The following ACVR2A variants were observed in gnomAD, a reference collection of about 807,000 sequenced individuals.
ACVR2A encodes the protein activin receptor type-2A.
Under a neutral mutation model 61.4 loss-of-function variants are expected in ACVR2A, and 7 were observed. The observed-to-expected ratio is 0.11, with a 90% CI of 0.06 to 0.21. The LOEUF (loss-of-function observed/expected upper bound fraction) is 0.21. Among genes scored for constraint, ACVR2A ranks in the 10% least tolerant of loss-of-function variants. The probability of loss-of-function intolerance (pLI) is 1.00; values close to 1 mark genes in which losing one functional copy is unlikely to be tolerated. For missense variants in ACVR2A, 322 were observed against 621.7 expected, an observed-to-expected ratio of 0.52 and a Z score of 5.13; for synonymous variants, 193 against 208.3, an observed-to-expected ratio of 0.93 and a Z score of 0.63.
chr2:147,892,846 A>C (rs1352464769), intron 1 of ACVR2A, among the ~76,000 whole-genome samples: 3 of 151,810 alleles, frequency 2.0e-5, no homozygotes. Flanking sequence ...TTTTTCTTTG[A>C]TATCATACCA....
chr2:147,877,042 C>T (rs1346883561), intron 1 of ACVR2A, among the ~76,000 whole-genome samples: 1 of 150,042 alleles, frequency 6.7e-6, no homozygotes, highest in Non-Finnish European at 1.5e-5. Flanking sequence ...TTCTACACGT[C>T]TTGATCGCAG....
At chr2:147,915,398 A>C in intron 5 of ACVR2A, 64 bp downstream of exon 5, 1 of 1,588,372 alleles carries the variant, frequency 6.3e-7, no homozygotes, top group Non-Finnish European at 8.6e-7. Flanking sequence ...CATAACTCAG[A>C]AATAGTCTCA....
chr2:147,908,052 AAAG>A (rs1687029134), intron 4 of ACVR2A, among the ~76,000 whole-genome samples: 3 of 143,224 alleles, frequency 2.1e-5, no homozygotes, highest in Non-Finnish European at 4.7e-5. Context: ...AAAAAAAAAA[AAAG>A]AAAAAAAAGA....
At chr2:147,852,094 T>C (rs1685463756) in intron 1 of ACVR2A, among the ~76,000 whole-genome samples, 1 of 152,102 alleles carries the variant, frequency 6.6e-6, no homozygotes, top group Non-Finnish European at 1.5e-5. Context: ...TTTTTTTAAA[T>C]AATTAAAATT....
chr2:147,927,012 A>C, intron 10 of ACVR2A, 68 bp from the exon 11 acceptor site: 1 of 1,475,694 alleles, frequency 6.8e-7, no homozygotes. Context: ...CTTCATGAAA[A>C]TTTTATTGTT....
At chr2:147,925,422 G>A (rs1458373172) in intron 9 of ACVR2A, among the ~76,000 whole-genome samples, 1 of 151,922 alleles carries the variant, frequency 6.6e-6, no homozygotes, top group East Asian at 1.9e-4. Context: ...GTTGTTTAAT[G>A]TTGTCTATGA....
chr2:147,905,761 C>G (rs1328811436), intron 4 of ACVR2A, among the ~76,000 whole-genome samples: 1 of 152,008 alleles, frequency 6.6e-6, no homozygotes, highest in Non-Finnish European at 1.5e-5. Context: ...AAATTACTCT[C>G]ATCAGGCATA....
intron 1 of ACVR2A, among the ~76,000 whole-genome samples, chr2:147,868,695 G>T (rs1207843460): frequency 5.3e-5 from 8 of 151,834 alleles, no homozygotes; most frequent in African/African-American, 1.9e-4. Flanking sequence ...GCAGTGACGG[G>T]AACATGGCTT....
intron 4 of ACVR2A, among the ~76,000 whole-genome samples, chr2:147,909,132 T>C (rs1273487784): frequency 1.3e-5 from 2 of 152,158 alleles, no homozygotes; most frequent in Admixed American, 1.3e-4. Context: ...GTCTCAACTC[T>C]GTTTTTCACC....
At chr2:147,915,696 A>G (rs1028488310) in intron 5 of ACVR2A, among the ~76,000 whole-genome samples, 24 of 151,986 alleles carry the variant, frequency 1.6e-4, no homozygotes, top group African/African-American at 5.8e-4. Context: ...ACAAAAGAGC[A>G]GTATACTTTG....
At chr2:147,900,026 A>G in intron 4 of ACVR2A, 128 bp downstream of exon 4, 1 of 1,053,654 alleles carries the variant, frequency 9.5e-7, no homozygotes, top group Non-Finnish European at 1.3e-6. Context: ...GTTTATTGTC[A>G]TGAGAACTCT....
chr2:147,845,780 T>C (rs1685296493), intron 1 of ACVR2A, among the ~76,000 whole-genome samples: 1 of 152,194 alleles, frequency 6.6e-6, no homozygotes, highest in Admixed American at 6.5e-5. Flanking sequence ...ATAGTTGTAG[T>C]TGTTGTTGGA....
intron 1 of ACVR2A, among the ~76,000 whole-genome samples, chr2:147,853,500 C>T (rs904370429): frequency 3.9e-5 from 6 of 152,028 alleles, no homozygotes; most frequent in Non-Finnish European, 5.9e-5. Context: ...ATGGTATTCA[C>T]GCTTGAAACC....
intron 1 of ACVR2A, among the ~76,000 whole-genome samples, chr2:147,864,100 A>T (rs988779250): frequency 4.6e-5 from 7 of 152,216 alleles, no homozygotes; most frequent in African/African-American, 1.7e-4. Context: ...AGAACATGCT[A>T]GATAAGTACG....
intron 1 of ACVR2A, among the ~76,000 whole-genome samples, chr2:147,877,122 C>T (rs1191069479): frequency 1.3e-5 from 2 of 152,050 alleles, no homozygotes; most frequent in Non-Finnish European, 2.9e-5. Flanking sequence ...TTTTGGTATT[C>T]CAAAAGTAGC....
chr2:147,913,822 CAAAAAAAAAAAAAAA>C (rs575237522), intron 4 of ACVR2A, among the ~76,000 whole-genome samples: 37 of 61,806 alleles, frequency 6.0e-4, no homozygotes, highest in African/African-American at 8.8e-4. Context: ...AACTTGTAGA[CAAAAAAAAAAAAAAA>C]AAAAAAAAAA....
chr2:147,845,236 G>A (rs771392912), intron 1 of ACVR2A, 29 bp downstream of exon 1: 1 of 1,606,222 alleles, frequency 6.2e-7, no homozygotes, highest in Non-Finnish European at 8.5e-7. Context: ...GCGCGGTGGG[G>A]CTGCTCCTGC....
chr2:147,885,414 T>G (rs905265309), intron 1 of ACVR2A, among the ~76,000 whole-genome samples: 1 of 152,114 alleles, frequency 6.6e-6, no homozygotes, highest in African/African-American at 2.4e-5. Flanking sequence ...AAGGGTATAG[T>G]AAAAAGTTTA....
chr2:147,918,670 A>T, intron 7 of ACVR2A, 78 bp downstream of exon 7: 1 of 1,327,020 alleles, frequency 7.5e-7, no homozygotes, highest in Non-Finnish European at 1.0e-6. Context: ...GTAAATTTTA[A>T]TTTTTCCTTT....
Sources: allele counts gnomAD v4.1 joint callset (sites outside exome capture counted in the v4.1 genomes callset), GRCh38; gene constraint gnomAD v4.1.1; transcripts MANE v1.5; gene names NCBI Gene and HGNC (gene_info 2026-07-23, HGNC 2026-07-21).